The following SYNE1 variants were observed in gnomAD, a reference collection of about 807,000 sequenced individuals.
The protein encoded by SYNE1 is spectrin repeat containing nuclear envelope protein 1.
A neutral mutation model predicts 1,111.0 loss-of-function variants in SYNE1; 616 were observed. The ratio of observed to expected loss-of-function variants is 0.55; its 90% CI spans 0.52 to 0.59. SYNE1 has a LOEUF of 0.59. SYNE1 is among the 20% of genes least tolerant of loss of function. The pLI, the probability that SYNE1 is intolerant of heterozygous loss-of-function variation, is 0.00. For missense variants in SYNE1, 10,006 were observed against 10,417.0 expected (o/e 0.96, Z 1.72); for synonymous variants, 3,855 against 3,825.8 (o/e 1.01, Z -0.28).
chr6:152,572,407 C>T (rs1438685244), intron 3 of SYNE1, among the ~76,000 whole-genome samples: 7 of 152,138 alleles, frequency 4.6e-5, no homozygotes, highest in Non-Finnish European at 8.8e-5. Context: ...CAATGTCTTG[C>T]TTTTTGTAAA....
intron 116 of SYNE1, among the ~76,000 whole-genome samples, chr6:152,225,293 A>T (rs1255041104): frequency 4.4e-5 from 6 of 136,368 alleles, no homozygotes; most frequent in African/African-American, 1.7e-4. Flanking sequence ...ACACACACAC[A>T]CACACACACG....
At chr6:152,457,607 AGG>A (rs1564169964) in intron 22 of SYNE1, among the ~76,000 whole-genome samples, 1 of 152,192 alleles carries the variant, frequency 6.6e-6, no homozygotes, top group Non-Finnish European at 1.5e-5. Context: ...CAGAGTTTCA[AGG>A]TTGTTTAAAC....
intron 3 of SYNE1, among the ~76,000 whole-genome samples, chr6:152,590,666 G>A (rs1259914836): frequency 6.6e-6 from 1 of 151,988 alleles, no homozygotes; most frequent in Non-Finnish European, 1.5e-5. Flanking sequence ...AACATCCTTT[G>A]TCCCATCTAA....
At chr6:152,393,624 G>C (rs1157817413) in intron 51 of SYNE1, among the ~76,000 whole-genome samples, 3 of 151,964 alleles carry the variant, frequency 2.0e-5, no homozygotes, top group Non-Finnish European at 4.4e-5. Flanking sequence ...TATAGTAAGG[G>C]CTCATAGAGA....
intron 22 of SYNE1, among the ~76,000 whole-genome samples, chr6:152,456,415 T>G (rs2098696451): frequency 6.6e-6 from 1 of 152,028 alleles, no homozygotes; most frequent in Admixed American, 6.6e-5. Context: ...ATGAAATCAA[T>G]GAATACATAT....
intron 128 of SYNE1, among the ~76,000 whole-genome samples, chr6:152,182,126 T>C (rs964343894): frequency 6.6e-6 from 1 of 152,210 alleles, no homozygotes; most frequent in African/African-American, 2.4e-5. Flanking sequence ...TTCTGAGAGT[T>C]TCTTATACAT....
At chr6:152,487,446 C>T (rs1430402719) in intron 12 of SYNE1, among the ~76,000 whole-genome samples, 2 of 152,164 alleles carry the variant, frequency 1.3e-5, no homozygotes, top group South Asian at 2.1e-4. Context: ...CTCCAGTCTA[C>T]ATTGATGGGC....
At chr6:152,525,565 C>A (rs922358082) in intron 5 of SYNE1, among the ~76,000 whole-genome samples, 11 of 152,178 alleles carry the variant, frequency 7.2e-5, no homozygotes, top group Admixed American at 7.2e-4. Context: ...GCTGGCTCCA[C>A]AGCACATAAA....
In SYNE1 at chr6:152,239,717, T is replaced by G. The variant is rs1388264961; in HGVS notation, c.19894-11A>C. 3.7e-6 allele frequency: 6 copies of G among 1,613,968 alleles called. No homozygotes were observed. Among genetic ancestry groups the G allele is most frequent in the Non-Finnish European group, 5.1e-6 (6 of 1,180,022 alleles). On this transcript the variant is annotated splice_polypyrimidine_tract_variant and intron_variant, in intron 107 of 145. Coordinates refer to ENST00000367255, the MANE Select transcript of SYNE1 (RefSeq NM_182961.4). ...GCCCTGAAAGTATTCCTGCAATTTT[T>G]CAGGAAGAAAGAAGTCAGCAACTCA...
intron 9 of SYNE1, 91 bp downstream of exon 9, chr6:152,505,110 T>C (rs774265272): frequency 2.5e-5 from 35 of 1,427,262 alleles, no homozygotes; most frequent in Non-Finnish European, 3.3e-5. Flanking sequence ...TGGCCTCCAA[T>C]AGAATCTTGG....
intron 3 of SYNE1, among the ~76,000 whole-genome samples, chr6:152,585,008 C>T (rs966668512): frequency 2.0e-5 from 3 of 152,062 alleles, no homozygotes; most frequent in Non-Finnish European, 4.4e-5. Flanking sequence ...TCCCGTAATC[C>T]CTACGTGTCA....
chr6:152,511,652 CATT>C, intron 6 of SYNE1: 1 of 1,540,326 alleles, frequency 6.5e-7, no homozygotes, highest in Non-Finnish European at 9.0e-7. Context: ...TCAAAATCAG[CATT>C]ATTTGTTCAA....
intron 2 of SYNE1, among the ~76,000 whole-genome samples, chr6:152,634,000 T>C (rs1442492108): frequency 6.6e-6 from 1 of 152,278 alleles, no homozygotes; most frequent in Non-Finnish European, 1.5e-5. Flanking sequence ...CATCACTCCC[T>C]GTGAAAAAAC....
chr6:152,622,535 T>C (rs753391978), intron 3 of SYNE1, among the ~76,000 whole-genome samples: 6 of 152,200 alleles, frequency 3.9e-5, no homozygotes, highest in Non-Finnish European at 8.8e-5. Context: ...TTTCTGTTCC[T>C]GTATCAGTTT....
intron 127 of SYNE1, among the ~76,000 whole-genome samples, chr6:152,198,416 T>C (rs902580592): frequency 1.3e-5 from 2 of 152,238 alleles, no homozygotes; most frequent in Non-Finnish European, 2.9e-5. Flanking sequence ...AAGGATGTTT[T>C]GCTTTCTTCT....
At chr6:152,485,922 C>T (rs188511536) in intron 12 of SYNE1, among the ~76,000 whole-genome samples, 378 of 152,244 alleles carry the variant, frequency 2.5e-3, no homozygotes, top group Non-Finnish European at 3.3e-3. Flanking sequence ...ATAGGCTGGG[C>T]ACGGTGGCTC....
At chr6:152,456,868 TC>T in intron 22 of SYNE1, 1 of 300,690 alleles carries the variant, frequency 3.3e-6, no homozygotes, top group South Asian at 2.7e-5. Flanking sequence ...GATGCAAATA[TC>T]AAGAGCATGG....
intron 8 of SYNE1, among the ~76,000 whole-genome samples, chr6:152,505,672 C>G (rs2099054126): frequency 6.6e-6 from 1 of 152,212 alleles, no homozygotes; most frequent in African/African-American, 2.4e-5. Flanking sequence ...ATTTTATACT[C>G]AATCCCCTAC....
chr6:152,278,383 G>A (rs1318546116), intron 97 of SYNE1, 103 bp from the exon 98 acceptor site: 1 of 1,353,476 alleles, frequency 7.4e-7, no homozygotes, highest in African/African-American at 1.4e-5. Context: ...TTACGAAACG[G>A]ACAGGCTTTC....
Sources: allele counts gnomAD v4.1 joint callset (sites outside exome capture counted in the v4.1 genomes callset), GRCh38; gene constraint gnomAD v4.1.1; transcripts MANE v1.5; gene names NCBI Gene and HGNC (gene_info 2026-07-23, HGNC 2026-07-21).